GASK1B: variants seen among roughly 807,000 people sequenced by gnomAD.
The protein encoded by GASK1B is golgi associated kinase 1B.
Under a neutral mutation model 42.8 loss-of-function variants are expected in GASK1B, and 34 were observed. That is an observed-to-expected ratio of 0.79 (90% CI 0.60 to 1.06). The LOEUF is 1.06. Among genes scored for constraint, GASK1B ranks in the 50% least tolerant of loss-of-function variants. The pLI is 0.00. For missense variants in GASK1B, 686 were observed against 661.0 expected (o/e 1.04, Z -0.42); for synonymous variants, 262 against 259.1 (o/e 1.01, Z -0.11).
chr4:158,152,887 C>A (rs1034670396), intron 3 of GASK1B, among the ~76,000 whole-genome samples: 2 of 152,164 alleles, frequency 1.3e-5, no homozygotes. Context: ...AACCCACAGC[C>A]AACATTACAC....
intron 2 of GASK1B, among the ~76,000 whole-genome samples, chr4:158,156,392 GA>G (rs946113409): frequency 4.6e-5 from 7 of 152,190 alleles, no homozygotes; most frequent in Admixed American, 4.6e-4. Flanking sequence ...TTTCCTGATA[GA>G]AACTGTGCAA....
Position 158,133,315 on chromosome 4 carries a change from T to C in GASK1B, c.1126-2303A>G, listed in dbSNP as rs373383349. ...TAAAAATAAAAAAACTTAAATCTTATTTAATTTTGACTAAATATCAAAGTC... is the reference window on the plus strand; with the variant it reads ...TAAAAATAAAAAAACTTAAATCTTACTTAATTTTGACTAAATATCAAAGTC... On this transcript the variant is annotated intron_variant, in intron 3 of 4. Coordinates refer to ENST00000585682, the MANE Select transcript of GASK1B (RefSeq NM_001128424.2). Among the ~76,000 whole-genome samples, 21 of 152,354 alleles carry C rather than the reference T, an allele frequency of 1.4e-4. No individual in the cohort carries two copies. In the East Asian group the frequency reaches 2.9e-3, roughly 21 times the overall value.
At position 158,126,256 on chromosome 4, in the gene GASK1B, C is replaced by A. The variant is rs1730449608; in HGVS notation, c.*1151G>T. On this transcript the variant is annotated 3_prime_UTR_variant, in exon 5 of 5. Coordinates refer to ENST00000585682, the MANE Select transcript of GASK1B (RefSeq NM_001128424.2). ...ACACATGAACCTGATTTGTCCATGT[C>A]TTCCAATCTGATTTAAAAAGTGTTA... The A allele has an allele frequency of 6.6e-6, 1 of 152,090 alleles. No homozygotes were observed. The highest frequency in any genetic ancestry group is 1.5e-5 in the Non-Finnish European group (1 of 67,968). The allele number at this position is 152,090 out of a possible 1,614,324, so 9.4% of individuals were successfully genotyped here.
chr4:158,145,709 T>C (rs1731304541), intron 3 of GASK1B, among the ~76,000 whole-genome samples: 1 of 152,208 alleles, frequency 6.6e-6, no homozygotes, highest in Non-Finnish European at 1.5e-5. Flanking sequence ...TTGTACTAGA[T>C]TGTATAACTC....
intron 4 of GASK1B, among the ~76,000 whole-genome samples, chr4:158,128,023 A>T (rs542164422): frequency 6.6e-6 from 1 of 152,330 alleles, no homozygotes; most frequent in South Asian, 2.1e-4. Context: ...GCAAGAAAAT[A>T]TGAGAGACAA....
intron 3 of GASK1B, among the ~76,000 whole-genome samples, 158 bp downstream of exon 3, chr4:158,155,453 T>G (rs1731719912): frequency 6.6e-6 from 1 of 152,206 alleles, no homozygotes; most frequent in South Asian, 2.1e-4. Context: ...CATCTACATT[T>G]GGCCATTATG....
chr4:158,164,755 C>T (rs1237249235), intron 2 of GASK1B, among the ~76,000 whole-genome samples: 1 of 152,186 alleles, frequency 6.6e-6, no homozygotes, highest in South Asian at 2.1e-4. Flanking sequence ...CCCTGCAAAA[C>T]GACTGTGTCC....
chr4:158,135,756 T>C (rs1208234389), intron 3 of GASK1B, among the ~76,000 whole-genome samples: 1 of 152,006 alleles, frequency 6.6e-6, no homozygotes, highest in Non-Finnish European at 1.5e-5. Flanking sequence ...ATATTAGTTA[T>C]AAAGGTTTCG....
rs34895200 is a variant in GASK1B at position 158,171,349 on chromosome 4, C to G, written c.27G>C (p.Gln9His). Residue 9 changes from glutamine (Q) to histidine (H), a missense_variant, in exon 2 of 5, where the codon CAG becomes CAC. By Grantham distance (24) the Gln-to-His change is conservative. Transcript: ENST00000585682. ...GGGAGCAGATGAACCAGTTTATGAG[C>G]TGCCCCGGCTTGTCTGGACAGGTCA... Reference protein sequence around the residue: MTCPDKPGQLINWFICSLC... With the variant: MTCPDKPGHLINWFICSLC... 226 of 1,599,272 alleles carry G rather than the reference C, an allele frequency of 1.4e-4. No homozygotes were observed. The African/African-American group carries it at 2.8e-3, about 20-fold the overall frequency.
intron 4 of GASK1B, among the ~76,000 whole-genome samples, chr4:158,128,311 G>A (rs1160061945): frequency 1.3e-5 from 2 of 152,078 alleles, no homozygotes; most frequent in Non-Finnish European, 2.9e-5. Context: ...AGTCTCTCTG[G>A]AAAACCTAAG....
chr4:158,127,441 G>C lies in GASK1B; in HGVS notation c.1526C>G (p.Ala509Gly). 6.2e-7 allele frequency: 1 copy of C among 1,613,610 alleles called. No homozygotes were observed. Among genetic ancestry groups the C allele is most frequent in the Non-Finnish European group, 8.5e-7 (1 of 1,179,638 alleles). Residue 509 changes from alanine (A) to glycine (G), a missense_variant, in exon 5 of 5, where the codon GCA becomes GGA. Coordinates refer to ENST00000585682, the MANE Select transcript of GASK1B (RefSeq NM_001128424.2). ...RAKILITYIN[A>G]HGVKVLPMNE The stretch of plus-strand genomic sequence containing the variant: ...CATAGGTAATACTTTGACCCCGTGT[G>C]CATTGATATAGGTGATAAGAATTTT...
Position 158,130,830 on chromosome 4 carries a change from C to T in GASK1B, c.1308G>A (p.Arg436=), listed in dbSNP as rs139311352. 6.8e-5 allele frequency: 110 copies of T among 1,613,564 alleles called. No individual in the cohort carries two copies. Among genetic ancestry groups the T allele is most frequent in the Non-Finnish European group, 8.8e-5 (104 of 1,179,934 alleles). ...ATTTGAAGTTTAAGTTATCTTCACT[C>T]CTGTCAAAGAAACCCTTGTTGTCTA... is the stretch of plus-strand genomic sequence containing the variant. ...VFIDNKGFFD[R]SEDNLNFKLL... is the part of the protein sequence containing the mutation. Residue 436 remains arginine (R), a synonymous_variant, in exon 4 of 5, where the codon AGG becomes AGA. Coordinates refer to ENST00000585682, the MANE Select transcript of GASK1B (RefSeq NM_001128424.2).
At chr4:158,137,722 C>G (rs778500627) in intron 3 of GASK1B, among the ~76,000 whole-genome samples, 2 of 152,040 alleles carry the variant, frequency 1.3e-5, no homozygotes, top group Non-Finnish European at 2.9e-5. Context: ...AGTATTCCCC[C>G]CTGCTCCACC....
chr4:158,169,658 C>T (rs1306310468), intron 2 of GASK1B: 3 of 152,600 alleles, frequency 2.0e-5, no homozygotes, highest in African/African-American at 7.2e-5. Flanking sequence ...AAACATAAGC[C>T]ACTGACTCAC....
intron 3 of GASK1B, among the ~76,000 whole-genome samples, chr4:158,137,078 C>CA (rs1025857837): frequency 1.3e-5 from 2 of 151,782 alleles, no homozygotes; most frequent in Admixed American, 6.6e-5. Flanking sequence ...GAATAAAGTG[C>CA]AAAAAAAATT....
rs762242113 is a variant in GASK1B, at chr4:158,130,862, C to A, written c.1276G>T (p.Val426Phe). 3 of 1,614,058 alleles carry A rather than the reference C, an allele frequency of 1.9e-6. No individual in the cohort carries two copies. The highest frequency in any genetic ancestry group is 3.3e-5 in the Admixed American group (2 of 60,022). ...AAGAAACCCTTGTTGTCTATAAAAA[C>A]CAAATGCCTTGGGTCATGCTTTCGC... ...IQRKHDPRHL[V>F]FIDNKGFFDR... Residue 426 changes from valine to phenylalanine, a missense_variant, in exon 4 of 5, where the codon GTT (valine) becomes TTT (phenylalanine). Transcript: ENST00000585682.
At chr4:158,160,563 A>G (rs375536766) in intron 2 of GASK1B, among the ~76,000 whole-genome samples, 1 of 152,182 alleles carries the variant, frequency 6.6e-6, no homozygotes, top group Admixed American at 6.6e-5. Flanking sequence ...GAAACTAAAA[A>G]TAGAATTACC....
chr4:158,161,471 GA>G (rs1732002522), intron 2 of GASK1B, among the ~76,000 whole-genome samples: 1 of 152,120 alleles, frequency 6.6e-6, no homozygotes, highest in Non-Finnish European at 1.5e-5. Context: ...AAGGAAGCAG[GA>G]AAGGAGAATG....
intron 3 of GASK1B, among the ~76,000 whole-genome samples, chr4:158,139,274 C>T (rs937264552): frequency 1.3e-5 from 2 of 152,146 alleles, no homozygotes; most frequent in Non-Finnish European, 2.9e-5. Context: ...CTATAGCAAC[C>T]AGCATTATAC....
Sources: allele counts gnomAD v4.1 joint callset (sites outside exome capture counted in the v4.1 genomes callset), GRCh38; gene constraint gnomAD v4.1.1; transcripts MANE v1.5; gene names NCBI Gene and HGNC (gene_info 2026-07-23, HGNC 2026-07-21).